LRMDA: variants seen among roughly 807,000 people sequenced by gnomAD.
The protein encoded by LRMDA is leucine rich melanocyte differentiation associated.
LRMDA carries 18 observed loss-of-function variants against 29.8 expected under a neutral mutation model. That is an observed-to-expected ratio of 0.60 (90% CI 0.42 to 0.90). The LOEUF (loss-of-function observed/expected upper bound fraction) is 0.90. LRMDA is among the 40% of genes least tolerant of loss of function. The pLI is 0.00. For missense variants in LRMDA, 273 were observed against 273.9 expected, an observed-to-expected ratio of 1.00 and a Z score of 0.02; for synonymous variants, 125 against 109.4, an observed-to-expected ratio of 1.14 and a Z score of -0.89.
intron 2 of LRMDA, among the ~76,000 whole-genome samples, chr10:75,607,828 T>G (rs1026925332): frequency 3.1e-5 from 4 of 130,780 alleles, no homozygotes; most frequent in Admixed American, 7.1e-5. Context: ...TCAGTGGTTT[T>G]TTTTTTTTTT....
intron 5 of LRMDA, among the ~76,000 whole-genome samples, chr10:76,080,814 TCA>T (rs1218288233): frequency 1.3e-5 from 2 of 152,208 alleles, no homozygotes; most frequent in East Asian, 3.9e-4. Context: ...TCTACATAAG[TCA>T]GAGAGTAGAA....
chr10:76,282,113 T>G (rs1388529651), intron 5 of LRMDA, among the ~76,000 whole-genome samples: 1 of 152,232 alleles, frequency 6.6e-6, no homozygotes, highest in African/African-American at 2.4e-5. Context: ...TGTGTAAATC[T>G]GTCGGCAGCT....
rs57600678 is a variant in LRMDA at position 75,692,219 on chromosome 10, AATATATATAT to A, written c.131+253745_131+253754del. ...CTTGTCTCTGGGGGGAAAAAAAAAA[AATATATATAT>A]ATATATATATATATATATACATATA... On this transcript the variant is annotated intron_variant, in intron 2 of 6. Transcript: ENST00000611255. Among the ~76,000 whole-genome samples, 402 of 87,564 alleles carry A rather than the reference AATATATATAT, an allele frequency of 4.6e-3. 4 individuals are homozygous for A. The highest frequency in any genetic ancestry group is 0.02 in the African/African-American group (370 of 18,096). 57.4% of individuals were successfully genotyped at this position (87,564 alleles called of 152,430 possible). A position where few individuals can be genotyped will look rare whatever the true frequency, so the allele number is the denominator to read the frequency against.
chr10:75,803,958 T>C (rs1398680102), intron 2 of LRMDA, among the ~76,000 whole-genome samples: 2 of 152,218 alleles, frequency 1.3e-5, no homozygotes, highest in Non-Finnish European at 2.9e-5. Flanking sequence ...ACGTCAAAGA[T>C]AGCGTGGCCT....
At chr10:75,488,494 T>C (rs1844943507) in intron 2 of LRMDA, among the ~76,000 whole-genome samples, 1 of 152,208 alleles carries the variant, frequency 6.6e-6, no homozygotes, top group Admixed American at 6.5e-5. Context: ...TAGTTTTCTC[T>C]AGCTTACCCT....
chr10:76,045,259 C>G (rs1211881933), intron 3 of LRMDA, among the ~76,000 whole-genome samples: 1 of 150,634 alleles, frequency 6.6e-6, no homozygotes, highest in East Asian at 2.0e-4. Flanking sequence ...TAGTTTCCCT[C>G]TCTTGCTAGT....
intron 5 of LRMDA, among the ~76,000 whole-genome samples, chr10:76,315,381 C>A (rs535843608): frequency 6.6e-6 from 1 of 152,206 alleles, no homozygotes; most frequent in South Asian, 2.1e-4. Context: ...CATCCCTGTG[C>A]TCTCAGGGGC....
At chr10:75,687,664 AAAC>A (rs1275594995) in intron 2 of LRMDA, among the ~76,000 whole-genome samples, 2 of 152,248 alleles carry the variant, frequency 1.3e-5, no homozygotes, top group African/African-American at 2.4e-5. Context: ...TAGCTACACT[AAAC>A]AACATATTTT....
chr10:75,691,105 TAGATCTATATATCTATATAC>T (rs1842143889), intron 2 of LRMDA, among the ~76,000 whole-genome samples: 1 of 83,330 alleles, frequency 1.2e-5, no homozygotes, highest in African/African-American at 8.3e-5. Context: ...CATAGATATA[TAGATCTATATATCTATATAC>T]ATAGATATAT....
At chr10:75,969,830 C>A in intron 2 of LRMDA, among the ~76,000 whole-genome samples, 1 of 152,140 alleles carries the variant, frequency 6.6e-6, no homozygotes, top group Non-Finnish European at 1.5e-5. Flanking sequence ...AATATAATGT[C>A]TTCCAAAAGT....
chr10:76,046,972 G>A (rs578177599), intron 3 of LRMDA, among the ~76,000 whole-genome samples, 192 bp from the exon 4 acceptor site: 22 of 152,282 alleles, frequency 1.4e-4, no homozygotes, highest in Admixed American at 9.8e-4. Context: ...CCTGCCTAGC[G>A]AAAGTTGGGC....
intron 2 of LRMDA, among the ~76,000 whole-genome samples, chr10:76,004,150 T>G (rs1342516929): frequency 6.6e-6 from 1 of 152,252 alleles, no homozygotes; most frequent in Non-Finnish European, 1.5e-5. Context: ...GTTGCACATT[T>G]AGCTTCAGTA....
chr10:75,906,188 T>A (rs1226933099), intron 2 of LRMDA, among the ~76,000 whole-genome samples: 3 of 152,196 alleles, frequency 2.0e-5, no homozygotes, highest in Non-Finnish European at 4.4e-5. Flanking sequence ...ATGAAATTGC[T>A]CATACTTCAT....
intron 2 of LRMDA, among the ~76,000 whole-genome samples, chr10:75,725,563 T>C (rs567813632): frequency 6.6e-6 from 1 of 152,310 alleles, no homozygotes; most frequent in South Asian, 2.1e-4. Flanking sequence ...ACACGATGAG[T>C]TGAGTCCCAA....
chr10:76,048,164 A>G (rs1848471581), intron 4 of LRMDA, among the ~76,000 whole-genome samples: 1 of 152,206 alleles, frequency 6.6e-6, no homozygotes. Context: ...CTTAAAAATA[A>G]CTTAATAAAT....
At chr10:75,466,662 G>C (rs537361021) in intron 2 of LRMDA, among the ~76,000 whole-genome samples, 30 of 152,252 alleles carry the variant, frequency 2.0e-4, no homozygotes, top group African/African-American at 7.2e-4. Context: ...GTCTTGGATA[G>C]GTGAGGCTGT....
chr10:75,883,840 T>C lies in LRMDA; in HGVS notation c.132-152168T>C, dbSNP rs115458005. On this transcript the variant is annotated intron_variant, in intron 2 of 6. Coordinates refer to ENST00000611255, the MANE Select transcript of LRMDA (RefSeq NM_001305581.2). ...CTGCTTGCATGTACAATGAAGGAGA[T>C]GACATGAGGAGATTCTGTTAGTGGG... Among the ~76,000 whole-genome samples the C allele has an allele frequency of 4.8e-3, 725 of 151,012 alleles. 9 individuals are homozygous for C. Among genetic ancestry groups the C allele is most frequent in the African/African-American group, 0.017 (709 of 41,104 alleles).
chr10:75,839,112 A>G (rs530275074), intron 2 of LRMDA, among the ~76,000 whole-genome samples: 1 of 152,238 alleles, frequency 6.6e-6, no homozygotes, highest in African/African-American at 2.4e-5. Context: ...AGCAGTTGTC[A>G]TTTGTTAAAG....
At chr10:76,242,828 A>G (rs1292801693) in intron 5 of LRMDA, among the ~76,000 whole-genome samples, 1 of 152,204 alleles carries the variant, frequency 6.6e-6, no homozygotes, top group East Asian at 1.9e-4. Context: ...ACATCTTGAC[A>G]TATAGAAGGG....
Sources: allele counts gnomAD v4.1 joint callset (sites outside exome capture counted in the v4.1 genomes callset), GRCh38; gene constraint gnomAD v4.1.1; transcripts MANE v1.5; gene names NCBI Gene and HGNC (gene_info 2026-07-23, HGNC 2026-07-21).